Variants in MYH11 observed in about 807,000 individuals in gnomAD.
MYH11 encodes myosin heavy chain 11.
Under a neutral mutation model 246.6 loss-of-function variants are expected in MYH11, and 80 were observed. The ratio of observed to expected loss-of-function variants is 0.32; its 90% CI spans 0.27 to 0.39. MYH11 has a LOEUF of 0.39. Among genes scored for constraint, MYH11 ranks in the 10% least tolerant of loss-of-function variants. The pLI, the probability that MYH11 is intolerant of heterozygous loss-of-function variation, is 1.00. For synonymous variants in MYH11, 1,071 were observed against 1,015.5 expected (o/e 1.05, Z -1.04); for missense variants, 2,158 against 2,546.8 (o/e 0.85, Z 3.29).
chr16:15,768,766 C>T (rs898520890), intron 9 of MYH11, among the ~76,000 whole-genome samples: 4 of 152,104 alleles, frequency 2.6e-5, no homozygotes, highest in Non-Finnish European at 1.5e-5. Context: ...TTACCAAATT[C>T]TAGCTAGATG....
At chr16:15,773,351 GAT>G (rs2042150242) in intron 8 of MYH11, among the ~76,000 whole-genome samples, 2 of 147,564 alleles carry the variant, frequency 1.4e-5, no homozygotes, top group South Asian at 4.3e-4. Flanking sequence ...GCAGTGGTGC[GAT>G]ATTGGCTGCT....
chr16:15,845,352 G>C (rs987736691), intron 1 of MYH11, among the ~76,000 whole-genome samples: 1 of 139,860 alleles, frequency 7.2e-6, no homozygotes, highest in Non-Finnish European at 1.5e-5. Flanking sequence ...TGTATTTTAC[G>C]TGTGGCCCAA....
In MYH11 at chr16:15,740,340, G is replaced by A. The variant is rs780153300; in HGVS notation, c.2860-152C>T. The A allele has an allele frequency of 1.9e-4, 227 of 1,208,242 alleles. 1 individual carries two copies. In the Middle Eastern group the frequency reaches 3.1e-3, roughly 17 times the overall value. 74.8% of individuals were successfully genotyped at this position (1,208,242 alleles called of 1,614,324 possible). ...AAGAAATAAAGGCCTGAGCGTGGTG[G>A]CTCACACCTGTAATCCCAGCACTTT... On this transcript the variant is annotated intron_variant, in intron 22 of 40. Coordinates refer to ENST00000300036, the MANE Select transcript of MYH11 (RefSeq NM_002474.3).
chr16:15,715,454 C>T (rs1182415349), intron 38 of MYH11, among the ~76,000 whole-genome samples, 182 bp from the exon 39 acceptor site: 1 of 152,122 alleles, frequency 6.6e-6, no homozygotes, highest in African/African-American at 2.4e-5. Flanking sequence ...CAATGCATGC[C>T]ACAGCATGGA....
chr16:15,812,093 C>T (rs1000616061), intron 3 of MYH11, among the ~76,000 whole-genome samples: 3 of 152,198 alleles, frequency 2.0e-5, no homozygotes, highest in African/African-American at 7.2e-5. Flanking sequence ...GAGATGAAGA[C>T]AGTAGACAGC....
At chr16:15,735,661 C>T in intron 25 of MYH11, 83 bp from the exon 26 acceptor site, 2 of 1,360,966 alleles carry the variant, frequency 1.5e-6, no homozygotes, top group Non-Finnish European at 1.0e-6. Context: ...TTTTCTGGGA[C>T]CAGACAGTTA....
chr16:15,726,884 G>A lies in MYH11; in HGVS notation c.3822C>T (p.Ala1274=). ...LQSKCSDGER[A]RAELNDKVHK... ...GGACTTTGTCATTGAGCTCCGCCCG[G>A]GCCCGCTCCCCATCGCTGCACTTGG... Residue 1274 remains alanine, a synonymous_variant, in exon 28 of 41, where the codon GCC becomes GCT. Coordinates refer to ENST00000300036, the MANE Select transcript of MYH11 (RefSeq NM_002474.3). The A allele has an allele frequency of 6.2e-7, 1 of 1,612,288 alleles. No individual in the cohort carries two copies.
chr16:15,714,213 G>A (rs1403675694), intron 40 of MYH11: 1 of 153,696 alleles, frequency 6.5e-6, no homozygotes, highest in African/African-American at 2.4e-5. Context: ...GAGCAGGGGG[G>A]ACCCCCAAGG....
intron 11 of MYH11, among the ~76,000 whole-genome samples, 189 bp downstream of exon 11, chr16:15,760,351 T>C (rs2041840285): frequency 8.5e-6 from 1 of 117,488 alleles, no homozygotes; most frequent in Non-Finnish European, 1.6e-5. Context: ...GGCAGATGAA[T>C]GGATGGATGG....
intron 3 of MYH11, among the ~76,000 whole-genome samples, chr16:15,816,267 C>G (rs2043260554): frequency 6.6e-6 from 1 of 152,118 alleles, no homozygotes; most frequent in African/African-American, 2.4e-5. Context: ...CAGGGCAGAT[C>G]AGAAGGCTAT....
intron 40 of MYH11, 173 bp downstream of exon 40, chr16:15,714,736 T>A: frequency 1.2e-6 from 1 of 836,020 alleles, no homozygotes; most frequent in Non-Finnish European, 1.9e-6. Flanking sequence ...CCGGGTCTGA[T>A]CTCAGTGCCT....
intron 2 of MYH11, among the ~76,000 whole-genome samples, chr16:15,835,126 C>A (rs1025849573): frequency 2.0e-5 from 3 of 151,490 alleles, no homozygotes; most frequent in Admixed American, 6.6e-5. Context: ...CTCACTCTTA[C>A]CATTTGGCTC....
chr16:15,720,800 AC>A (rs1488092865), intron 33 of MYH11, 38 bp downstream of exon 33: 1 of 1,605,566 alleles, frequency 6.2e-7, no homozygotes, highest in Admixed American at 1.7e-5. Context: ...GAAAAAGGCC[AC>A]CCGACCTCCC....
intron 2 of MYH11, among the ~76,000 whole-genome samples, chr16:15,829,384 C>T (rs891356189): frequency 2.0e-5 from 3 of 152,122 alleles, no homozygotes; most frequent in Admixed American, 2.0e-4. Context: ...TCTGTAAAAG[C>T]TTTCTAAGCA....
intron 40 of MYH11, chr16:15,708,712 T>C: frequency 1.5e-6 from 2 of 1,362,722 alleles, no homozygotes; most frequent in Non-Finnish European, 2.1e-6. Context: ...TGTGCAAGGG[T>C]TTAAAAATTG....
intron 1 of MYH11, among the ~76,000 whole-genome samples, chr16:15,854,336 T>A (rs1282187907): frequency 6.6e-6 from 1 of 152,222 alleles, no homozygotes; most frequent in Non-Finnish European, 1.5e-5. Context: ...GGCACTGTGC[T>A]AAACCCTTCA....
intron 8 of MYH11, among the ~76,000 whole-genome samples, chr16:15,772,241 G>A (rs1246493211): frequency 2.6e-5 from 4 of 151,690 alleles, no homozygotes; most frequent in Non-Finnish European, 4.4e-5. Context: ...ACAGGCGCCC[G>A]CCACCACGCC....
At chr16:15,711,559 G>A (rs775071699) in intron 40 of MYH11, among the ~76,000 whole-genome samples, 3 of 152,190 alleles carry the variant, frequency 2.0e-5, no homozygotes. Flanking sequence ...GATTAAAACT[G>A]TTAAAAGATC....
chr16:15,796,037 TGGGAGCA>T (rs2042735474), intron 4 of MYH11, among the ~76,000 whole-genome samples: 1 of 152,036 alleles, frequency 6.6e-6, no homozygotes, highest in African/African-American at 2.4e-5. Context: ...AAGCAAGCAA[TGGGAGCA>T]GGGAGCTTAA....
Sources: gnomAD v4.1 joint callset for allele counts (sites outside exome capture counted in the v4.1 genomes callset) on GRCh38, gnomAD v4.1.1 for gene constraint, MANE v1.5 for transcripts, NCBI Gene and HGNC (gene_info 2026-07-23, HGNC 2026-07-21) for gene names.